Variants in PPP2R2B observed in about 807,000 individuals in gnomAD.
PPP2R2B encodes the protein serine/threonine-protein phosphatase 2A 55 kDa regulatory subunit B beta isoform.
A neutral mutation model predicts 46.0 loss-of-function variants in PPP2R2B; 5 were observed. That is an observed-to-expected ratio of 0.11 (90% CI 0.06 to 0.23). The LOEUF (loss-of-function observed/expected upper bound fraction) is 0.23, where lower values mean the gene tolerates loss of function less well. Among genes scored for constraint, PPP2R2B ranks in the 10% least tolerant of loss-of-function variants. The pLI, the probability that PPP2R2B is intolerant of heterozygous loss-of-function variation, is 1.00. For synonymous variants in PPP2R2B, 215 were observed against 206.7 expected (o/e 1.04, Z -0.34); for missense variants, 367 against 575.0 (o/e 0.64, Z 3.70).
intron 1 of PPP2R2B, among the ~76,000 whole-genome samples, chr5:147,051,233 T>C (rs1756800159): frequency 1.3e-5 from 2 of 152,204 alleles, no homozygotes; most frequent in Admixed American, 1.3e-4. Flanking sequence ...GAGTCTTGGC[T>C]CTACCACTTC....
intron 2 of PPP2R2B, among the ~76,000 whole-genome samples, chr5:147,079,445 C>CATATATACATATATATATATATATATAT (rs1757903695): frequency 3.8e-5 from 5 of 132,302 alleles, no homozygotes; most frequent in African/African-American, 1.4e-4. Flanking sequence ...TATATATATA[C>CATATATACATATATATATATATATATAT]ATATATATAT....
At chr5:146,747,930 T>TG (rs1753291293) in intron 2 of PPP2R2B, among the ~76,000 whole-genome samples, 1 of 152,122 alleles carries the variant, frequency 6.6e-6, no homozygotes, top group Non-Finnish European at 1.5e-5. Context: ...CTGAGGTACT[T>TG]GGGGAACCTC....
intron 7 of PPP2R2B, among the ~76,000 whole-genome samples, chr5:146,632,718 A>C (rs920072383): frequency 6.6e-6 from 1 of 152,216 alleles, no homozygotes; most frequent in Non-Finnish European, 1.5e-5. Flanking sequence ...GTTAACTCTT[A>C]GGAAGTGACA....
rs1770022934 is a variant in PPP2R2B, at chr5:146,584,129, C to A, written c.*5818G>T. The A allele has an allele frequency of 6.6e-6, 1 of 152,534 alleles. No homozygotes were observed. Among genetic ancestry groups the A allele is most frequent in the Middle Eastern group, 3.1e-3 (1 of 322 alleles). The allele number at this position is 152,534 out of a possible 1,614,324, so 9.4% of individuals were successfully genotyped here. The stretch of plus-strand genomic sequence containing the variant: ...CAGGGGCGGGAAGGCTGGGAGTGGA[C>A]TGGGATCTGTCTTGGCAGTGGCTAA... On this transcript the variant is annotated 3_prime_UTR_variant, in exon 10 of 10. Coordinates refer to ENST00000394411, the MANE Select transcript of PPP2R2B (RefSeq NM_181675.4).
intron 2 of PPP2R2B, among the ~76,000 whole-genome samples, chr5:146,873,489 G>T (rs536624179): frequency 2.0e-5 from 3 of 152,248 alleles, no homozygotes; most frequent in Admixed American, 6.5e-5. Flanking sequence ...GGCTTGATAT[G>T]ATCTGGTCCC....
chr5:146,661,104 T>C (rs909064783), intron 5 of PPP2R2B, among the ~76,000 whole-genome samples: 2 of 152,204 alleles, frequency 1.3e-5, no homozygotes, highest in Admixed American at 6.6e-5. Context: ...AAATCAGTGT[T>C]TCTCAATTAG....
At chr5:146,651,553 C>G (rs1420785009) in intron 5 of PPP2R2B, among the ~76,000 whole-genome samples, 1 of 152,178 alleles carries the variant, frequency 6.6e-6, no homozygotes, top group Non-Finnish European at 1.5e-5. Context: ...ACCTATCACT[C>G]TTCCTCCTTT....
At chr5:146,839,223 C>T (rs941719989) in intron 2 of PPP2R2B, among the ~76,000 whole-genome samples, 1 of 152,130 alleles carries the variant, frequency 6.6e-6, no homozygotes, top group Non-Finnish European at 1.5e-5. Context: ...CAAACTGAGT[C>T]CTAAAATGTA....
chr5:146,858,216 G>C (rs749041067), intron 2 of PPP2R2B, among the ~76,000 whole-genome samples: 1 of 152,148 alleles, frequency 6.6e-6, no homozygotes, highest in Admixed American at 6.5e-5. Flanking sequence ...TACAAACCCA[G>C]TCATCTCCAG....
chr5:146,956,728 C>T (rs1468043401), intron 1 of PPP2R2B, among the ~76,000 whole-genome samples: 3 of 152,160 alleles, frequency 2.0e-5, no homozygotes, highest in African/African-American at 7.2e-5. Context: ...AAACAACAAA[C>T]ATTTACTTCT....
At chr5:146,859,174 C>T (rs913875103) in intron 2 of PPP2R2B, among the ~76,000 whole-genome samples, 3 of 152,098 alleles carry the variant, frequency 2.0e-5, no homozygotes, top group South Asian at 2.1e-4. Context: ...TGATTAACTC[C>T]ACTGGATCTC....
At chr5:146,804,164 C>T (rs552620896) in intron 2 of PPP2R2B, among the ~76,000 whole-genome samples, 1 of 147,970 alleles carries the variant, frequency 6.8e-6, no homozygotes, top group African/African-American at 2.5e-5. Flanking sequence ...GAGACTCTGT[C>T]TCAAAAAAAA....
chr5:146,785,792 T>C (rs1755799590), intron 2 of PPP2R2B, among the ~76,000 whole-genome samples: 1 of 152,194 alleles, frequency 6.6e-6, no homozygotes, highest in African/African-American at 2.4e-5. Context: ...TAGTGATATA[T>C]GCATGTTCTC....
intron 5 of PPP2R2B, among the ~76,000 whole-genome samples, chr5:146,659,118 T>A (rs1366571010): frequency 6.6e-6 from 1 of 152,108 alleles, no homozygotes; most frequent in Non-Finnish European, 1.5e-5. Context: ...AATATGAAGC[T>A]TTTGACTTAA....
intron 5 of PPP2R2B, among the ~76,000 whole-genome samples, chr5:146,690,784 C>T (rs1282122574): frequency 6.6e-6 from 1 of 152,226 alleles, no homozygotes. Context: ...AAGACTGCAA[C>T]TCGCCATCTG....
chr5:147,013,256 C>T lies in PPP2R2B; in HGVS notation c.79+42409G>A, dbSNP rs1754831279. 1.9e-5 allele frequency among the ~76,000 whole-genome samples: 2 copies of T among 108,080 alleles called. 1 individual carries two copies. The highest frequency in any genetic ancestry group is 4.6e-5 in the Non-Finnish European group (2 of 43,138). The allele number at this position is 108,080 out of a possible 152,430, so 70.9% of individuals were successfully genotyped here. A position where few individuals can be genotyped will look rare whatever the true frequency, so the allele number is the denominator to read the frequency against. On this transcript the variant is annotated intron_variant, in intron 1 of 8. Transcript: ENST00000336640. ...AAGAGGATACAAACAAATGGAAGAACATTCCATGCTCATGGGTAGGAAGAA... is the reference window on the plus strand; with the variant it reads ...AAGAGGATACAAACAAATGGAAGAATATTCCATGCTCATGGGTAGGAAGAA...
At chr5:146,694,761 A>G (rs559121249) in intron 4 of PPP2R2B, among the ~76,000 whole-genome samples, 7 of 152,100 alleles carry the variant, frequency 4.6e-5, no homozygotes, top group Non-Finnish European at 7.4e-5. Context: ...AACTCCCTTA[A>G]TTCCACTAGA....
chr5:146,676,903 T>G (rs1331827865), intron 5 of PPP2R2B, among the ~76,000 whole-genome samples: 1 of 152,170 alleles, frequency 6.6e-6, no homozygotes, highest in East Asian at 1.9e-4. Flanking sequence ...CAACGGCATA[T>G]CTAATTGGGA....
intron 2 of PPP2R2B, among the ~76,000 whole-genome samples, chr5:146,808,844 T>G (rs1484069879): frequency 2.0e-5 from 3 of 152,234 alleles, no homozygotes; most frequent in Non-Finnish European, 4.4e-5. Context: ...ATGTTGGAGT[T>G]TGCAATCAAC....
Sources: gnomAD v4.1 joint callset for allele counts (sites outside exome capture counted in the v4.1 genomes callset) on GRCh38, gnomAD v4.1.1 for gene constraint, MANE v1.5 for transcripts, NCBI Gene and HGNC (gene_info 2026-07-23, HGNC 2026-07-21) for gene names.